Variants in FNDC3A observed in about 807,000 individuals in gnomAD.
FNDC3A encodes fibronectin type-III domain-containing protein 3A.
A neutral mutation model predicts 148.9 loss-of-function variants in FNDC3A; 32 were observed. The ratio of observed to expected loss-of-function variants is 0.21; its 90% CI spans 0.16 to 0.29. The LOEUF (loss-of-function observed/expected upper bound fraction) is 0.29, where lower values mean the gene tolerates loss of function less well. Ranked by LOEUF, FNDC3A falls within the 10% of genes least tolerant of loss-of-function variation. FNDC3A has a pLI of 1.00. For synonymous variants in FNDC3A, 472 were observed against 473.6 expected (o/e 1.00, Z 0.04); for missense variants, 1,191 against 1,452.8 (o/e 0.82, Z 2.93).
chr13:48,982,126 T>G (rs764790978), intron 1 of FNDC3A, among the ~76,000 whole-genome samples: 1 of 152,162 alleles, frequency 6.6e-6, no homozygotes, highest in Non-Finnish European at 1.5e-5. Flanking sequence ...ATACAGCAAC[T>G]ACTTTTGTTG....
At chr13:49,156,474 A>G (rs2138004441) in intron 8 of FNDC3A, among the ~76,000 whole-genome samples, 1 of 151,068 alleles carries the variant, frequency 6.6e-6, no homozygotes, top group Middle Eastern at 3.4e-3. Flanking sequence ...CTCTTTATCC[A>G]ATTTGCCAGT....
chr13:49,168,814 T>G, intron 10 of FNDC3A, 63 bp downstream of exon 10: 1 of 1,467,722 alleles, frequency 6.8e-7, no homozygotes, highest in Non-Finnish European at 9.4e-7. Context: ...CCTGGTAGTA[T>G]TAAGTTTCAA....
intron 2 of FNDC3A, among the ~76,000 whole-genome samples, chr13:49,073,087 A>G (rs527847444): frequency 1.2e-4 from 19 of 152,332 alleles, no homozygotes; most frequent in African/African-American, 4.1e-4. Flanking sequence ...GCTCTTGGCT[A>G]TCATTGGACA....
intron 2 of FNDC3A, among the ~76,000 whole-genome samples, chr13:49,038,131 C>T (rs911711981): frequency 2.0e-5 from 3 of 152,142 alleles, no homozygotes; most frequent in South Asian, 2.1e-4. Context: ...GGTGTTCAGG[C>T]GCTCCTTCTC....
intron 2 of FNDC3A, among the ~76,000 whole-genome samples, chr13:49,038,468 G>A (rs1280526668): frequency 6.6e-6 from 1 of 151,770 alleles, no homozygotes; most frequent in Admixed American, 6.6e-5. Context: ...GGGAAGACAC[G>A]GGGAGAAGAT....
chr13:48,978,215 G>C (rs1357112972), intron 1 of FNDC3A, among the ~76,000 whole-genome samples: 2 of 151,864 alleles, frequency 1.3e-5, no homozygotes, highest in Non-Finnish European at 2.9e-5. Context: ...CAATATAATA[G>C]TAAGCATATT....
chr13:49,164,602 ATTC>A (rs564225085), intron 8 of FNDC3A, among the ~76,000 whole-genome samples: 82 of 150,616 alleles, frequency 5.4e-4, no homozygotes, highest in African/African-American at 1.9e-3. Context: ...ATTCATTTTT[ATTC>A]TTCTTCTTTT....
intron 3 of FNDC3A, among the ~76,000 whole-genome samples, chr13:49,084,217 G>A (rs1284488959): frequency 1.3e-5 from 2 of 152,196 alleles, no homozygotes; most frequent in African/African-American, 2.4e-5. Flanking sequence ...CTTAACTGAA[G>A]TGGAGTATTA....
At chr13:49,151,651 G>A (rs1202183217) in intron 8 of FNDC3A, among the ~76,000 whole-genome samples, 7 of 152,166 alleles carry the variant, frequency 4.6e-5, no homozygotes, top group Admixed American at 3.3e-4. Flanking sequence ...AGGTATACAT[G>A]TGCCATGTTG....
At chr13:48,983,516 C>T (rs1951733288) in intron 1 of FNDC3A, among the ~76,000 whole-genome samples, 2 of 152,156 alleles carry the variant, frequency 1.3e-5, no homozygotes, top group African/African-American at 4.8e-5. Flanking sequence ...AAATTATAAA[C>T]AATGGGCATG....
chr13:49,194,669 A>T (rs1313126154), intron 19 of FNDC3A, among the ~76,000 whole-genome samples: 4 of 152,286 alleles, frequency 2.6e-5, no homozygotes, highest in Admixed American at 1.3e-4. Flanking sequence ...ATATGATAGA[A>T]ACTGGTAGTG....
At chr13:48,995,330 CATAACAATCT>C (rs1439780743) in intron 1 of FNDC3A, among the ~76,000 whole-genome samples, 2 of 149,974 alleles carry the variant, frequency 1.3e-5, no homozygotes, top group Non-Finnish European at 3.0e-5. Context: ...TTTCTTTTAG[CATAACAATCT>C]TAGTTGTAGC....
chr13:49,155,102 C>T (rs1365693193), intron 8 of FNDC3A, among the ~76,000 whole-genome samples: 1 of 143,034 alleles, frequency 7.0e-6, no homozygotes, highest in Non-Finnish European at 1.5e-5. Context: ...GGTACCAGTT[C>T]CTCCTTGTAC....
chr13:49,023,233 T>G (rs1873460026), intron 2 of FNDC3A, among the ~76,000 whole-genome samples: 1 of 151,956 alleles, frequency 6.6e-6, no homozygotes, highest in Admixed American at 6.6e-5. Context: ...TAAAATTGTA[T>G]TCTTATTGAA....
At chr13:48,985,181 G>A (rs990828951) in intron 1 of FNDC3A, among the ~76,000 whole-genome samples, 2 of 152,154 alleles carry the variant, frequency 1.3e-5, no homozygotes, top group Non-Finnish European at 2.9e-5. Context: ...TATATAAGGT[G>A]TACCTACAAA....
At chr13:49,161,026 T>A (rs1416699746) in intron 8 of FNDC3A, among the ~76,000 whole-genome samples, 1 of 152,128 alleles carries the variant, frequency 6.6e-6, no homozygotes, top group East Asian at 1.9e-4. Flanking sequence ...TGCTGAGGAG[T>A]GCTTTACTTC....
At chr13:49,098,582 C>T (rs957783552) in intron 3 of FNDC3A, among the ~76,000 whole-genome samples, 1 of 152,114 alleles carries the variant, frequency 6.6e-6, no homozygotes, top group Non-Finnish European at 1.5e-5. Flanking sequence ...TGTTTAGAAA[C>T]AGGTGCTTGG....
At chr13:49,173,978 T>A (rs1412178921) in intron 11 of FNDC3A, among the ~76,000 whole-genome samples, 1 of 152,180 alleles carries the variant, frequency 6.6e-6, no homozygotes, top group African/African-American at 2.4e-5. Context: ...CGCCAAAAGT[T>A]TTATTTTAAA....
chr13:49,117,399 T>A (rs1881038922), intron 4 of FNDC3A, among the ~76,000 whole-genome samples: 1 of 152,230 alleles, frequency 6.6e-6, no homozygotes, highest in Non-Finnish European at 1.5e-5. Context: ...GGTGTTTCCT[T>A]AATGCTGTTA....
Sources: gnomAD v4.1 joint callset for allele counts (sites outside exome capture counted in the v4.1 genomes callset) on GRCh38, gnomAD v4.1.1 for gene constraint, MANE v1.5 for transcripts, NCBI Gene and HGNC (gene_info 2026-07-23, HGNC 2026-07-21) for gene names.